OR14A2: variants seen among roughly 807,000 people sequenced by gnomAD.
OR14A2 encodes olfactory receptor family 14 subfamily A member 2.
For synonymous variants in OR14A2, 114 were observed against 58.6 expected (o/e 1.95, Z -4.32); for missense variants, 237 against 152.9 (o/e 1.55, Z -2.90).
exon 1 of OR14A2, chr1:247,723,235 C>T: frequency 3.4e-6 from 2 of 585,274 alleles, no homozygotes; most frequent in Non-Finnish European, 6.4e-6. Context: ...AGAAAGCAGC[C>T]TGTCAATAAC....
the OR14A2 span, among the ~76,000 whole-genome samples, chr1:247,730,023 A>G: frequency 6.6e-6 from 1 of 152,120 alleles, no homozygotes; most frequent in Non-Finnish European, 1.5e-5. Context: ...TCCAATGTAA[A>G]TATAGGTAAT....
upstream of OR14A2, among the ~76,000 whole-genome samples, chr1:247,727,147 G>A (rs1293670743): frequency 1.3e-5 from 2 of 149,302 alleles, no homozygotes; most frequent in Admixed American, 1.3e-4. Flanking sequence ...TCACGATATT[G>A]ATTCTTCCTA....
chr1:247,743,196 C>A, the OR14A2 span, among the ~76,000 whole-genome samples: 1 of 152,098 alleles, frequency 6.6e-6, no homozygotes, highest in Non-Finnish European at 1.5e-5. Flanking sequence ...TGGAGTGCTT[C>A]CTGACTGTGG....
At chr1:247,728,756 A>G (rs901356392), upstream of OR14A2, among the ~76,000 whole-genome samples, 10 of 152,148 alleles carry the variant, frequency 6.6e-5, no homozygotes, top group Admixed American at 2.0e-4. Context: ...ATACCGTAAA[A>G]TAATTCCAAT....
chr1:247,730,319 T>C, the OR14A2 span, among the ~76,000 whole-genome samples: 1 of 152,072 alleles, frequency 6.6e-6, no homozygotes, highest in East Asian at 1.9e-4. Context: ...CATGTTTTAG[T>C]CATATATAAC....
At chr1:247,733,841 G>T in the OR14A2 span, among the ~76,000 whole-genome samples, 10 of 152,080 alleles carry the variant, frequency 6.6e-5, no homozygotes, top group African/African-American at 1.9e-4. Flanking sequence ...AAAAGAAAAA[G>T]AAAATTCATT....
the OR14A2 span, among the ~76,000 whole-genome samples, chr1:247,731,642 C>T: frequency 8.4e-3 from 1,278 of 152,062 alleles, 12 homozygotes; most frequent in African/African-American, 0.027. Flanking sequence ...CTTACTCCCT[C>T]AGTAAAATTT....
the OR14A2 span, among the ~76,000 whole-genome samples, chr1:247,744,694 C>T: frequency 6.6e-6 from 1 of 152,106 alleles, no homozygotes; most frequent in South Asian, 2.1e-4. This position sits in a 1 kb window ranked among gnomAD's most constrained non-coding sequence, Gnocchi z 4.3. Flanking sequence ...ATGTAAGCCT[C>T]TTCTTGTTCT....
At position 247,723,236 on chromosome 1, in the gene OR14A2, TG is replaced by T; in HGVS notation, c.807del (p.Asp269GlufsTer6). 1.4e-6 allele frequency: 1 copy of T among 715,836 alleles called. No homozygotes were observed. Among genetic ancestry groups the T allele is most frequent in the Non-Finnish European group, 2.6e-6 (1 of 384,556 alleles). 44.3% of individuals were successfully genotyped at this position (715,836 alleles called of 1,614,324 possible). A position where few individuals can be genotyped will look rare whatever the true frequency, so the allele number is the denominator to read the frequency against. ...ACAGTGTAGATCACAGAAAGCAGCC[TG>T]TCAATAACAGATGGTGAATTTGAAG... On this transcript the variant is annotated frameshift_variant, in exon 1 of 1. Coordinates refer to ENST00000366485, the Ensembl canonical transcript of OR14A2. LOFTEE classifies it low-confidence loss of function (END_TRUNC).
the OR14A2 span, among the ~76,000 whole-genome samples, chr1:247,745,721 A>C: frequency 6.6e-6 from 1 of 152,206 alleles, no homozygotes; most frequent in Non-Finnish European, 1.5e-5. Context: ...ATCAGACAAA[A>C]AAATTAAAAC....
the OR14A2 span, chr1:247,738,719 G>A: frequency 3.5e-5 from 27 of 780,726 alleles, no homozygotes; most frequent in East Asian, 5.8e-4. Flanking sequence ...TCTACCTCAC[G>A]GCTGTGCTGA....
At chr1:247,740,494 T>C in the OR14A2 span, among the ~76,000 whole-genome samples, 2 of 152,226 alleles carry the variant, frequency 1.3e-5, no homozygotes, top group Non-Finnish European at 2.9e-5. Flanking sequence ...AAATAAATTA[T>C]GTTTTTGGAG....
the OR14A2 span, among the ~76,000 whole-genome samples, chr1:247,744,887 A>T: frequency 6.6e-6 from 1 of 152,108 alleles, no homozygotes; most frequent in Non-Finnish European, 1.5e-5. The surrounding 1 kb of genome is among the most constrained non-coding windows in gnomAD (Gnocchi z 4.3). Flanking sequence ...GAAAGGGGAG[A>T]TTATGAAGTT....
chr1:247,731,590 A>G, the OR14A2 span, among the ~76,000 whole-genome samples: 4 of 151,634 alleles, frequency 2.6e-5, no homozygotes, highest in Non-Finnish European at 2.9e-5. Flanking sequence ...TCTCCTTCCA[A>G]TTCATCAGCT....
chr1:247,745,415 G>C, the OR14A2 span, among the ~76,000 whole-genome samples: 3 of 142,664 alleles, frequency 2.1e-5, no homozygotes, highest in Non-Finnish European at 4.5e-5. Context: ...GATGTCTTTT[G>C]GCTTTTTTTT....
chr1:247,734,956 A>G, the OR14A2 span, among the ~76,000 whole-genome samples: 13 of 152,320 alleles, frequency 8.5e-5, no homozygotes, highest in Non-Finnish European at 1.8e-4. Context: ...ATATTACAAG[A>G]TCAAAATCTG....
chr1:247,747,359 C>CTTTTTT, the OR14A2 span, among the ~76,000 whole-genome samples: 1 of 136,388 alleles, frequency 7.3e-6, no homozygotes, highest in African/African-American at 2.8e-5. Context: ...AATGCGAAGA[C>CTTTTTT]TTTTTTTTTT....
upstream of OR14A2, among the ~76,000 whole-genome samples, chr1:247,727,930 G>A (rs373856331): frequency 0.056 from 7,297 of 131,414 alleles, 309 homozygotes; most frequent in African/African-American, 0.15. Flanking sequence ...GGCAATAATC[G>A]ATAGTTTACC....
chr1:247,731,370 T>C, the OR14A2 span, among the ~76,000 whole-genome samples: 1 of 152,054 alleles, frequency 6.6e-6, no homozygotes, highest in Non-Finnish European at 1.5e-5. Context: ...TGTAATATAT[T>C]ACTAATTTTT....
Sources: gnomAD v4.1 joint callset for allele counts (sites outside exome capture counted in the v4.1 genomes callset) on GRCh38, gnomAD v4.1.1 for gene constraint, Gnocchi (gnomAD v3.1) non-coding constraint, MANE v1.5 for transcripts, NCBI Gene and HGNC (gene_info 2026-07-23, HGNC 2026-07-21) for gene names.